RSRC1: variants seen among roughly 807,000 people sequenced by gnomAD.
The protein encoded by RSRC1 is arginine and serine rich coiled-coil 1.
In RSRC1, 39 loss-of-function variants were observed where a neutral mutation model predicts 49.1. The observed-to-expected ratio is 0.79, with a 90% CI of 0.61 to 1.04. RSRC1 has a LOEUF of 1.04. Ranked by LOEUF, RSRC1 falls within the 50% of genes least tolerant of loss-of-function variation. The pLI is 0.00. For synonymous variants in RSRC1, 143 were observed against 130.8 expected, an observed-to-expected ratio of 1.09 and a Z score of -0.63; for missense variants, 388 against 402.4, an observed-to-expected ratio of 0.96 and a Z score of 0.31.
intron 1 of RSRC1, 113 bp from the exon 2 acceptor site, chr3:158,121,989 AG>A (rs1412622062): frequency 1.7e-6 from 1 of 576,506 alleles, no homozygotes; most frequent in African/African-American, 2.0e-5. Flanking sequence ...TGGGATACAG[AG>A]GGAGACCCCA....
chr3:158,543,199 A>C, intron 8 of RSRC1, 136 bp from the exon 9 acceptor site: 1 of 552,286 alleles, frequency 1.8e-6, no homozygotes, highest in Non-Finnish European at 2.9e-6. Context: ...CAAATACAAA[A>C]AGTAGGGCCT....
intron 4 of RSRC1, among the ~76,000 whole-genome samples, chr3:158,203,821 A>G (rs1721207190): frequency 6.6e-6 from 1 of 152,204 alleles, no homozygotes; most frequent in Non-Finnish European, 1.5e-5. Context: ...TAGAATTGAT[A>G]TTATTAAAAC....
intron 6 of RSRC1, among the ~76,000 whole-genome samples, chr3:158,364,816 A>AAAAAATAAT (rs1731669258): frequency 1.4e-5 from 2 of 144,210 alleles, no homozygotes. Context: ...AGAATGGGAA[A>AAAAAATAAT]AATAATAATA....
intron 5 of RSRC1, among the ~76,000 whole-genome samples, chr3:158,333,158 C>G (rs1329993188): frequency 6.6e-6 from 1 of 152,002 alleles, no homozygotes; most frequent in East Asian, 1.9e-4. Context: ...TTAGTAGAGA[C>G]AGGGTTTCAC....
At chr3:158,516,310 C>G (rs1324517202) in intron 7 of RSRC1, among the ~76,000 whole-genome samples, 1 of 151,688 alleles carries the variant, frequency 6.6e-6, no homozygotes, top group Non-Finnish European at 1.5e-5. Flanking sequence ...AGTTTTCCTT[C>G]TAACAGACAG....
Position 158,254,175 on chromosome 3 carries a change from T to C in RSRC1, c.495-43864T>C, listed in dbSNP as rs1462439442. On this transcript the variant is annotated intron_variant, in intron 4 of 9. Transcript: ENST00000611884. ...TAATCCAGTCTATCATTGATGGACATTTGGGTTGGTTCCACGTCTTTGCTA... is the reference window on the plus strand; with the variant it reads ...TAATCCAGTCTATCATTGATGGACACTTGGGTTGGTTCCACGTCTTTGCTA... Among the ~76,000 whole-genome samples, 4 of 152,144 alleles carry C rather than the reference T, an allele frequency of 2.6e-5. No individual in the cohort carries two copies. The South Asian group carries it at 8.3e-4, about 31-fold the overall frequency.
chr3:158,537,058 C>T, intron 7 of RSRC1, 34 bp from the exon 8 acceptor site: 3 of 1,445,506 alleles, frequency 2.1e-6, no homozygotes, highest in Non-Finnish European at 2.9e-6. Flanking sequence ...CATGCTTACA[C>T]CAAAATACGC....
intron 4 of RSRC1, among the ~76,000 whole-genome samples, chr3:158,241,308 A>G (rs545244357): frequency 6.6e-6 from 1 of 151,596 alleles, no homozygotes; most frequent in Non-Finnish European, 1.5e-5. Context: ...AAAAAGCTGG[A>G]CATGGTAGCG....
intron 6 of RSRC1, among the ~76,000 whole-genome samples, chr3:158,391,307 A>C (rs1310438005): frequency 1.3e-5 from 2 of 152,134 alleles, no homozygotes; most frequent in African/African-American, 4.8e-5. Flanking sequence ...TATTCAAAAA[A>C]CTGGCATAGT....
At chr3:158,245,650 G>A (rs1723847015) in intron 4 of RSRC1, among the ~76,000 whole-genome samples, 1 of 152,150 alleles carries the variant, frequency 6.6e-6, no homozygotes, top group Non-Finnish European at 1.5e-5. Flanking sequence ...TTGTGTGGGA[G>A]TCTAAATCTC....
chr3:158,256,272 G>C (rs1049624292), intron 4 of RSRC1, among the ~76,000 whole-genome samples: 5 of 152,094 alleles, frequency 3.3e-5, no homozygotes, highest in African/African-American at 9.7e-5. Flanking sequence ...TAGCATGAAG[G>C]GCTGTTGAAT....
chr3:158,474,923 C>CA (rs144240563), intron 7 of RSRC1, among the ~76,000 whole-genome samples: 26,714 of 151,738 alleles, frequency 0.18, 2,475 homozygotes, highest in African/African-American at 0.24. Context: ...GGAGGGGAGA[C>CA]GGGGGTGGTT....
At chr3:158,366,763 G>C (rs1328546721) in intron 6 of RSRC1, among the ~76,000 whole-genome samples, 1 of 152,122 alleles carries the variant, frequency 6.6e-6, no homozygotes, top group Admixed American at 6.6e-5. Context: ...TCATGATATT[G>C]ATTCTTCCTA....
chr3:158,454,511 C>T (rs1737211889), intron 6 of RSRC1, among the ~76,000 whole-genome samples: 1 of 152,076 alleles, frequency 6.6e-6, no homozygotes. Context: ...ATTTAGTCTT[C>T]AACTGTATTC....
intron 6 of RSRC1, among the ~76,000 whole-genome samples, chr3:158,408,142 CT>C (rs1419801480): frequency 6.6e-6 from 1 of 152,194 alleles, no homozygotes; most frequent in Non-Finnish European, 1.5e-5. Flanking sequence ...CCACCAGACA[CT>C]TTTCCCCATA....
At chr3:158,513,062 C>G (rs1447805788) in intron 7 of RSRC1, among the ~76,000 whole-genome samples, 1 of 140,640 alleles carries the variant, frequency 7.1e-6, no homozygotes, top group Non-Finnish European at 1.5e-5. Flanking sequence ...CGTCTGCAAA[C>G]AGGGACAATT....
At chr3:158,172,266 A>G (rs967489512) in intron 3 of RSRC1, among the ~76,000 whole-genome samples, 1 of 152,214 alleles carries the variant, frequency 6.6e-6, no homozygotes, top group African/African-American at 2.4e-5. Flanking sequence ...CAGACATATT[A>G]TAATCAAACT....
chr3:158,425,838 G>A (rs1460407621), intron 6 of RSRC1, among the ~76,000 whole-genome samples: 1 of 151,712 alleles, frequency 6.6e-6, no homozygotes, highest in Non-Finnish European at 1.5e-5. Context: ...ATATTGAATA[G>A]CAAATTGCCA....
chr3:158,505,889 A>G (rs929599955), intron 7 of RSRC1, among the ~76,000 whole-genome samples: 2 of 152,172 alleles, frequency 1.3e-5, no homozygotes, highest in African/African-American at 4.8e-5. Context: ...AACATGGCTG[A>G]AACCAAGTGA....
Sources: allele counts gnomAD v4.1 joint callset (sites outside exome capture counted in the v4.1 genomes callset), GRCh38; gene constraint gnomAD v4.1.1; transcripts MANE v1.5; gene names NCBI Gene and HGNC (gene_info 2026-07-23, HGNC 2026-07-21).